RBFOX1: variants seen among roughly 807,000 people sequenced by gnomAD.
RBFOX1 encodes the protein RNA binding fox-1 homolog 1.
Under a neutral mutation model 57.7 loss-of-function variants are expected in RBFOX1, and 8 were observed. The observed-to-expected ratio is 0.14, with a 90% CI of 0.08 to 0.25. RBFOX1 has a LOEUF of 0.25. RBFOX1 is among the 10% of genes least tolerant of loss of function. The pLI is 1.00. For missense variants in RBFOX1, 611 were observed against 548.5 expected, an observed-to-expected ratio of 1.11 and a Z score of -1.14; for synonymous variants, 326 against 222.4, an observed-to-expected ratio of 1.47 and a Z score of -4.15.
rs535989851 is a variant in RBFOX1 at position 6,461,088 on chromosome 16, C to T, written c.-64+144031C>T. Reference sequence around the variant, plus strand: ...TAGACACAGAGAGGGGAACAACACTCACTAGAGCCTGTTGGGAGAGGGTGG... The same window carrying T: ...TAGACACAGAGAGGGGAACAACACTTACTAGAGCCTGTTGGGAGAGGGTGG... On this transcript the variant is annotated intron_variant, in intron 2 of 15. Coordinates refer to ENST00000550418, the MANE Select transcript of RBFOX1 (RefSeq NM_018723.4). Among the ~76,000 whole-genome samples the T allele has an allele frequency of 4.6e-5, 7 of 152,078 alleles. No homozygotes were observed. In the East Asian group the frequency reaches 7.8e-4, roughly 17 times the overall value.
At chr16:6,778,393 T>C (rs1227276138) in intron 3 of RBFOX1, among the ~76,000 whole-genome samples, 1 of 152,140 alleles carries the variant, frequency 6.6e-6, no homozygotes, top group Non-Finnish European at 1.5e-5. Context: ...CCACTTGTTT[T>C]CTCCACATTC....
intron 4 of RBFOX1, among the ~76,000 whole-genome samples, chr16:5,956,661 T>C (rs1290760009): frequency 2.0e-5 from 1 of 51,078 alleles, no homozygotes; most frequent in East Asian, 4.8e-4. Context: ...TATATATTTA[T>C]ATATATATAT....
chr16:6,193,379 T>TATA (rs1555545337), intron 1 of RBFOX1, among the ~76,000 whole-genome samples: 5 of 63,122 alleles, frequency 7.9e-5, no homozygotes, highest in South Asian at 6.2e-4. Context: ...TATATATACA[T>TATA]TATATATATA....
At chr16:5,975,490 G>T (rs1346235464) in intron 4 of RBFOX1, among the ~76,000 whole-genome samples, 1 of 152,146 alleles carries the variant, frequency 6.6e-6, no homozygotes, top group Non-Finnish European at 1.5e-5. Context: ...TATACTTATG[G>T]TTTAGTATTG....
intron 3 of RBFOX1, among the ~76,000 whole-genome samples, chr16:6,875,180 T>A (rs540819620): frequency 2.1e-4 from 32 of 152,360 alleles, no homozygotes; most frequent in Middle Eastern, 3.4e-3. Flanking sequence ...CATAATCATC[T>A]TCTTTGTATT....
intron 2 of RBFOX1, among the ~76,000 whole-genome samples, chr16:6,482,568 C>G (rs1353652850): frequency 6.6e-6 from 1 of 152,194 alleles, no homozygotes; most frequent in African/African-American, 2.4e-5. Flanking sequence ...AAGGTGATCT[C>G]TAAATTTCAA....
intron 13 of RBFOX1, among the ~76,000 whole-genome samples, chr16:7,668,676 A>ACAC (rs1037022276): frequency 1.3e-5 from 2 of 151,958 alleles, no homozygotes; most frequent in African/African-American, 4.8e-5. Context: ...ACACACACAC[A>ACAC]CACACTTTTG....
intron 3 of RBFOX1, among the ~76,000 whole-genome samples, chr16:5,789,546 G>C (rs1033380961): frequency 6.6e-6 from 1 of 152,014 alleles, no homozygotes; most frequent in African/African-American, 2.4e-5. Context: ...CATCATCATC[G>C]TCATCATCAT....
chr16:6,385,319 A>G (rs899239235), intron 2 of RBFOX1, among the ~76,000 whole-genome samples: 6 of 152,298 alleles, frequency 3.9e-5, no homozygotes, highest in Middle Eastern at 3.4e-3. Flanking sequence ...GACATTATTT[A>G]ACCTCTCTTG....
intron 2 of RBFOX1, among the ~76,000 whole-genome samples, chr16:6,450,828 T>TACATAC (rs1555480477): frequency 3.7e-5 from 1 of 27,390 alleles, no homozygotes; most frequent in African/African-American, 2.4e-4. Flanking sequence ...CATATATATA[T>TACATAC]ATATATATGT....
At chr16:6,915,049 G>A (rs781683413) in intron 3 of RBFOX1, among the ~76,000 whole-genome samples, 9 of 152,194 alleles carry the variant, frequency 5.9e-5, no homozygotes, top group East Asian at 5.8e-4. Flanking sequence ...CGTAGATGAA[G>A]GATGCAGAAC....
intron 4 of RBFOX1, among the ~76,000 whole-genome samples, chr16:5,956,442 G>C (rs1169777673): frequency 6.6e-6 from 1 of 151,516 alleles, no homozygotes; most frequent in African/African-American, 2.4e-5. Flanking sequence ...GGCAACTCTA[G>C]ATGTGGGGAG....
intron 1 of RBFOX1, among the ~76,000 whole-genome samples, chr16:6,205,527 T>C (rs184451750): frequency 2.0e-4 from 30 of 152,294 alleles, no homozygotes; most frequent in African/African-American, 7.2e-4. Context: ...TCTTTAACTG[T>C]TGTCAGATGT....
intron 3 of RBFOX1, among the ~76,000 whole-genome samples, chr16:5,660,668 A>T (rs898916951): frequency 6.6e-6 from 1 of 151,954 alleles, no homozygotes; most frequent in Non-Finnish European, 1.5e-5. Context: ...TATATTTTCC[A>T]TAGAGATAAA....
chr16:6,162,564 C>G (rs2096887695), intron 1 of RBFOX1, among the ~76,000 whole-genome samples: 1 of 152,190 alleles, frequency 6.6e-6, no homozygotes, highest in Non-Finnish European at 1.5e-5. Flanking sequence ...CAGTGAAATA[C>G]TGCAGAAGGT....
chr16:5,291,263 T>C (rs1452827399), intron 1 of RBFOX1, among the ~76,000 whole-genome samples: 1 of 143,570 alleles, frequency 7.0e-6, no homozygotes, highest in Middle Eastern at 3.5e-3. Context: ...TATCATTGGT[T>C]TTTTTTTTTT....
chr16:5,553,559 C>T (rs1419101457), intron 2 of RBFOX1, among the ~76,000 whole-genome samples: 1 of 151,886 alleles, frequency 6.6e-6, no homozygotes, highest in Non-Finnish European at 1.5e-5. Flanking sequence ...TCGTGATCTG[C>T]CCGTCTCAGC....
chr16:5,854,563 C>G (rs1455752663), intron 3 of RBFOX1, among the ~76,000 whole-genome samples: 1 of 142,794 alleles, frequency 7.0e-6, no homozygotes, highest in South Asian at 2.3e-4. Context: ...TCTTACCCCC[C>G]CCACACACAA....
chr16:6,079,199 G>A (rs1034782391), intron 1 of RBFOX1, among the ~76,000 whole-genome samples: 13 of 152,178 alleles, frequency 8.5e-5, no homozygotes, highest in Non-Finnish European at 8.8e-5. Flanking sequence ...CCAGCTATTC[G>A]GGAGGCTGAG....
Sources: gnomAD v4.1 joint callset for allele counts (sites outside exome capture counted in the v4.1 genomes callset) on GRCh38, gnomAD v4.1.1 for gene constraint, MANE v1.5 for transcripts, NCBI Gene and HGNC (gene_info 2026-07-23, HGNC 2026-07-21) for gene names.